GTF2H1: variants seen among roughly 807,000 people sequenced by gnomAD.
The protein encoded by GTF2H1 is general transcription factor IIH subunit 1.
In GTF2H1, 16 loss-of-function variants were observed where a neutral mutation model predicts 71.2. That is an observed-to-expected ratio of 0.22 (90% CI 0.15 to 0.34). The LOEUF (loss-of-function observed/expected upper bound fraction) is 0.34. GTF2H1 is among the 10% of genes least tolerant of loss of function. GTF2H1 has a pLI of 1.00. For missense variants in GTF2H1, 498 were observed against 648.2 expected (o/e 0.77, Z 2.52); for synonymous variants, 215 against 219.0 (o/e 0.98, Z 0.16).
At chr11:18,364,017 T>A (rs1427735126) in intron 14 of GTF2H1, among the ~76,000 whole-genome samples, 1 of 151,688 alleles carries the variant, frequency 6.6e-6, no homozygotes, top group East Asian at 1.9e-4. Flanking sequence ...GAGATTGCAG[T>A]GAGCTGAGAT....
Position 18,366,028 on chromosome 11 carries a change from A to G in GTF2H1, c.*159A>G. ...AGAGCTGATGCTATTGTACTTGCAC[A>G]TTGGAGACTGAAAGGAAAGAAGGGA... On this transcript the variant is annotated 3_prime_UTR_variant, in exon 15 of 15. Coordinates refer to ENST00000265963, the MANE Select transcript of GTF2H1 (RefSeq NM_005316.4). 1.7e-6 allele frequency: 1 copy of G among 600,472 alleles called. No homozygotes were observed. Among genetic ancestry groups the G allele is most frequent in the South Asian group, 2.1e-5 (1 of 48,674 alleles). The allele number at this position is 600,472 out of a possible 1,614,324, so 37.2% of individuals were successfully genotyped here.
intron 11 of GTF2H1, among the ~76,000 whole-genome samples, chr11:18,356,049 C>T (rs1326900310): frequency 2.6e-5 from 4 of 151,994 alleles, no homozygotes; most frequent in African/African-American, 9.7e-5. Context: ...CTGTCCCAGG[C>T]GTGGAATTTT....
chr11:18,339,471 AT>A (rs1865106132), intron 4 of GTF2H1, 92 bp from the exon 5 acceptor site: 89 of 779,590 alleles, frequency 1.1e-4, no homozygotes, highest in Middle Eastern at 2.4e-4. Flanking sequence ...TAGTTCAGAA[AT>A]TTTTTTTTCC....
chr11:18,365,239 G>A (rs1317526197), intron 14 of GTF2H1, among the ~76,000 whole-genome samples: 1 of 152,062 alleles, frequency 6.6e-6, no homozygotes. Flanking sequence ...TTAGCCAGGT[G>A]TGGTGGCTCA....
intron 14 of GTF2H1, 140 bp from the exon 15 acceptor site, chr11:18,365,643 G>A: frequency 3.2e-6 from 2 of 627,308 alleles, no homozygotes; most frequent in Non-Finnish European, 5.8e-6. Flanking sequence ...CTTCTCAGAG[G>A]GCTTGCACAT....
intron 11 of GTF2H1, among the ~76,000 whole-genome samples, chr11:18,355,717 G>A (rs539791258): frequency 6.6e-6 from 1 of 151,890 alleles, no homozygotes; most frequent in South Asian, 2.1e-4. Context: ...GTTTCACCAC[G>A]TTGCCCAGGC....
intron 14 of GTF2H1, among the ~76,000 whole-genome samples, chr11:18,362,043 T>C (rs535774735): frequency 6.6e-6 from 1 of 152,352 alleles, no homozygotes; most frequent in Admixed American, 6.5e-5. Context: ...TTCTAAACAA[T>C]TCATTGACAG....
rs1483735761 is a variant in GTF2H1 at position 18,322,650 on chromosome 11, C to T, written c.-106C>T. On this transcript the variant is annotated 5_prime_UTR_variant, in exon 1 of 15. Coordinates refer to ENST00000265963, the MANE Select transcript of GTF2H1 (RefSeq NM_005316.4). ...TGCTGCGGCCACTGGGTTTCGGCCT[C>T]TTCCCAGCAGCGGCTCTAAGAAGCG... The T allele has an allele frequency of 1.3e-5, 2 of 152,310 alleles. No individual in the cohort carries two copies. The highest frequency in any genetic ancestry group is 3.9e-4 in the East Asian group (2 of 5,182). 9.4% of individuals were successfully genotyped at this position (152,310 alleles called of 1,614,324 possible).
intron 1 of GTF2H1, among the ~76,000 whole-genome samples, chr11:18,327,229 C>T (rs868408034): frequency 7.9e-5 from 12 of 151,782 alleles, no homozygotes; most frequent in African/African-American, 2.9e-4. Flanking sequence ...AGAGAAGAAA[C>T]TCTTGGGAAG....
intron 1 of GTF2H1, among the ~76,000 whole-genome samples, chr11:18,331,987 A>G (rs1284884084): frequency 6.6e-6 from 1 of 152,152 alleles, no homozygotes; most frequent in African/African-American, 2.4e-5. Context: ...GGCCTCCCAA[A>G]GTAATTAGAC....
intron 5 of GTF2H1, 149 bp downstream of exon 5, chr11:18,339,806 T>C (rs1865114766): frequency 5.2e-6 from 3 of 579,926 alleles, no homozygotes; most frequent in Admixed American, 6.4e-5. Flanking sequence ...TGGTAGATAC[T>C]AGGGGCTCAG....
Position 18,341,636 on chromosome 11 carries a change from G to C in GTF2H1, c.837+29G>C, listed in dbSNP as rs201031302. 26 of 1,395,252 alleles carry C rather than the reference G, an allele frequency of 1.9e-5. No individual in the cohort carries two copies. The African/African-American group carries it at 2.7e-4, about 15-fold the overall frequency. 86.4% of individuals were successfully genotyped at this position (1,395,252 alleles called of 1,614,324 possible). On this transcript the variant is annotated intron_variant, in intron 7 of 14. Transcript: ENST00000265963. ...AGAAGCAATAAAAGAAGTTTTGAGA[G>C]AAAAGAGTCTTTTCCTAGTCTTCAA...
Position 18,328,599 on chromosome 11 carries a change from C to A in GTF2H1, c.-15-4461C>A, listed in dbSNP as rs1216882967. On this transcript the variant is annotated intron_variant, in intron 1 of 14. Transcript: ENST00000265963. ...CAGCACTTTGGGAGGCTGAGGCGGG[C>A]GGATCACTTGCGTCCAGGAGTTCAA... is the stretch of plus-strand genomic sequence containing the variant. Among the ~76,000 whole-genome samples, 3 of 150,980 alleles carry A rather than the reference C, an allele frequency of 2.0e-5. No individual in the cohort carries two copies. In the South Asian group the frequency reaches 6.3e-4, roughly 32 times the overall value.
chr11:18,336,180 G>T (rs867294707), intron 3 of GTF2H1, among the ~76,000 whole-genome samples: 1 of 151,994 alleles, frequency 6.6e-6, no homozygotes, highest in Non-Finnish European at 1.5e-5. Context: ...AGGCTGGAGT[G>T]CAGTGGCACA....
intron 9 of GTF2H1, 152 bp from the exon 10 acceptor site, chr11:18,351,729 C>G (rs1449232797): frequency 6.3e-6 from 3 of 476,246 alleles, no homozygotes; most frequent in Non-Finnish European, 1.2e-5. Context: ...AAAATTGGTT[C>G]AGCCATTTGT....
At chr11:18,363,053 C>A (rs896926902) in intron 14 of GTF2H1, among the ~76,000 whole-genome samples, 1 of 152,092 alleles carries the variant, frequency 6.6e-6, no homozygotes, top group East Asian at 1.9e-4. Flanking sequence ...TAGGCCTACA[C>A]AGAGTCAGGA....
chr11:18,342,460 C>G (rs555619111), intron 7 of GTF2H1, among the ~76,000 whole-genome samples: 32 of 151,952 alleles, frequency 2.1e-4, no homozygotes, highest in African/African-American at 7.2e-4. Context: ...CAGGGTTTTG[C>G]CACGTTGGCC....
chr11:18,357,910 AAGGG>A (rs748344714), intron 11 of GTF2H1, 38 bp from the exon 12 acceptor site: 5 of 1,200,554 alleles, frequency 4.2e-6, no homozygotes, highest in South Asian at 2.5e-5. Context: ...AAAAAAAAAA[AAGGG>A]AGGAAAACCA....
intron 3 of GTF2H1, among the ~76,000 whole-genome samples, chr11:18,337,449 AAG>A (rs1299046970): frequency 9.2e-5 from 14 of 152,074 alleles, no homozygotes; most frequent in African/African-American, 2.9e-4. Context: ...CATCTCAAAA[AAG>A]AAAAAAAAAA....
Sources: gnomAD v4.1 joint callset for allele counts (sites outside exome capture counted in the v4.1 genomes callset) on GRCh38, gnomAD v4.1.1 for gene constraint, MANE v1.5 for transcripts, NCBI Gene and HGNC (gene_info 2026-07-23, HGNC 2026-07-21) for gene names.